MTR: variants seen among roughly 807,000 people sequenced by gnomAD.
MTR encodes methionine synthase.
Under a neutral mutation model 154.8 loss-of-function variants are expected in MTR, and 84 were observed. The observed-to-expected ratio is 0.54, with a 90% CI of 0.45 to 0.65. MTR has a LOEUF of 0.65. MTR is among the 30% of genes least tolerant of loss of function. The pLI is 0.00. For synonymous variants in MTR, 554 were observed against 553.9 expected (o/e 1.00, Z 0.00); for missense variants, 1,275 against 1,570.2 (o/e 0.81, Z 3.18).
At chr1:236,884,668 G>A (rs1366356176) in intron 25 of MTR, among the ~76,000 whole-genome samples, 1 of 152,102 alleles carries the variant, frequency 6.6e-6, no homozygotes, top group Non-Finnish European at 1.5e-5. Context: ...GAGCCTTCAC[G>A]TCCTGGGTTT....
At chr1:236,858,419 G>C (rs60840458) in intron 18 of MTR, among the ~76,000 whole-genome samples, 65,583 of 152,012 alleles carry the variant, frequency 0.43, 14,338 homozygotes, top group East Asian at 0.49. Flanking sequence ...GGAATTGTGG[G>C]AGCTACAATT....
At chr1:236,896,479 C>G (rs1473345655) in intron 31 of MTR, among the ~76,000 whole-genome samples, 1 of 152,220 alleles carries the variant, frequency 6.6e-6, no homozygotes, top group Non-Finnish European at 1.5e-5. Context: ...GCTCTGTTTC[C>G]TTGTTCATAG....
intron 29 of MTR, among the ~76,000 whole-genome samples, chr1:236,894,024 C>T (rs1186098365): frequency 6.6e-6 from 1 of 151,340 alleles, no homozygotes; most frequent in East Asian, 1.9e-4. Flanking sequence ...TAAACCGTGA[C>T]TTTAGCACAG....
chr1:236,891,080 T>C (rs935784286), intron 28 of MTR, 53 bp from the exon 29 acceptor site: 2 of 1,586,320 alleles, frequency 1.3e-6, no homozygotes. Context: ...AAGCATTGTT[T>C]GATGGTTATT....
intron 15 of MTR, among the ~76,000 whole-genome samples, chr1:236,841,296 GT>G (rs1466800118): frequency 6.6e-6 from 1 of 152,166 alleles, no homozygotes; most frequent in African/African-American, 2.4e-5. Context: ...TTATTAAACA[GT>G]GTAAAAGCTG....
chr1:236,827,727 G>A (rs1188283715), intron 11 of MTR, among the ~76,000 whole-genome samples: 1 of 152,162 alleles, frequency 6.6e-6, no homozygotes, highest in Non-Finnish European at 1.5e-5. Flanking sequence ...GGAAGGGAGC[G>A]AAACAAGCAT....
At chr1:236,887,758 A>G (rs3768149) in intron 27 of MTR, among the ~76,000 whole-genome samples, 53,650 of 152,134 alleles carry the variant, frequency 0.35, 10,273 homozygotes, top group East Asian at 0.44. Flanking sequence ...AGCCAGTCCT[A>G]GGGTAGTTGC....
intron 13 of MTR, among the ~76,000 whole-genome samples, chr1:236,834,417 T>C (rs1662784718): frequency 6.6e-6 from 1 of 152,200 alleles, no homozygotes; most frequent in South Asian, 2.1e-4. Flanking sequence ...TGACCTCAAG[T>C]GATCTGCCTG....
intron 11 of MTR, among the ~76,000 whole-genome samples, chr1:236,827,366 A>G (rs1357270874): frequency 6.6e-6 from 1 of 152,202 alleles, no homozygotes; most frequent in African/African-American, 2.4e-5. Flanking sequence ...CCTTTATATT[A>G]TGAAACATTT....
At chr1:236,846,583 G>A (rs1169653413) in intron 15 of MTR, among the ~76,000 whole-genome samples, 1 of 152,080 alleles carries the variant, frequency 6.6e-6, no homozygotes, top group Admixed American at 6.5e-5. Flanking sequence ...CAAGGAATTG[G>A]TATCTTGCCA....
chr1:236,812,142 C>G (rs1314725975), intron 5 of MTR, among the ~76,000 whole-genome samples: 1 of 152,276 alleles, frequency 6.6e-6, no homozygotes, highest in African/African-American at 2.4e-5. Context: ...CCCAGGCCCC[C>G]ACAGTGCTGG....
intron 14 of MTR, 118 bp downstream of exon 14, chr1:236,835,805 A>G (rs2103150305): frequency 8.1e-6 from 11 of 1,359,914 alleles, no homozygotes; most frequent in South Asian, 7.0e-5. Flanking sequence ...GTTTCTCAAC[A>G]TCGAAAACAG....
Position 236,895,556 on chromosome 1 carries a change from A to G in MTR, c.3598+6A>G. ...AGACATCGAGCAGTCTACAGGTAGG[A>G]GCCAGGAGGCTGCGGGTTCCTGTCT... On this transcript the variant is annotated splice_donor_region_variant and intron_variant, in intron 31 of 32. Transcript: ENST00000366577. 6.4e-7 allele frequency: 1 copy of G among 1,563,038 alleles called. No individual in the cohort carries two copies. The highest frequency in any genetic ancestry group is 8.7e-7 in the Non-Finnish European group (1 of 1,152,758).
At position 236,895,432 on chromosome 1, in the gene MTR, C is replaced by T. The variant is rs776477351; in HGVS notation, c.3480C>T (p.Val1160=). The T allele has an allele frequency of 1.3e-5, 21 of 1,603,018 alleles. No individual in the cohort carries two copies. In the Admixed American group the frequency reaches 1.9e-4, roughly 14 times the overall value. Residue 1160 remains valine, a synonymous_variant, in exon 31 of 33, where the codon GTC becomes GTT. Coordinates refer to ENST00000366577, the MANE Select transcript of MTR (RefSeq NM_000254.3). The part of the protein sequence containing the change: ...WAYCGSEQLD[V]ADLRRLRYKG... The stretch of plus-strand genomic sequence containing the variant: ...ACTGTGGCAGTGAGCAGCTGGACGT[C>T]GCAGACCTGCGCAGGCTGCGGTACA...
chr1:236,891,140 G>A lies in MTR; in HGVS notation c.3015G>A (p.Glu1005=). 1.2e-6 allele frequency: 2 copies of A among 1,614,144 alleles called. No homozygotes were observed. The highest frequency in any genetic ancestry group is 2.2e-5 in the East Asian group (1 of 44,886). The change falls in exon 29 of 33, where the codon GAG becomes GAA. Residue 1005 remains glutamate, a synonymous_variant. Transcript: ENST00000366577. ...KIFNDKTVGG[E]ARKVYDDAHN... is the part of the protein sequence containing the mutation. ...ATTCTGTTTTTCTAATAGGTGGAGA[G>A]GCCAGGAAGGTCTACGATGATGCCC...
At chr1:236,861,826 T>TAAGA (rs1365903684) in intron 20 of MTR, among the ~76,000 whole-genome samples, 8 of 152,218 alleles carry the variant, frequency 5.3e-5, no homozygotes, top group Non-Finnish European at 8.8e-5. Context: ...GCCTTCATCT[T>TAAGA]GCCTTAATGT....
Position 236,891,272 on chromosome 1 carries a change from G to A in MTR, c.3147G>A (p.Glu1049=). The change falls in exon 29 of 33, where the codon GAG becomes GAA. Residue 1049 remains glutamate, a synonymous_variant. Transcript: ENST00000366577. ...AAGACGACATTCACCTGTACGCAGA[G>A]GCTGCTGTGCCCCAGGCTGCAGAGC... ...SIQDDIHLYA[E]AAVPQAAEPI... is the part of the protein sequence containing the mutation. 6.2e-7 allele frequency: 1 copy of A among 1,614,166 alleles called. No individual in the cohort carries two copies. Among genetic ancestry groups the A allele is most frequent in the Non-Finnish European group, 8.5e-7 (1 of 1,180,024 alleles).
At chr1:236,867,591 G>A (rs924932907) in intron 22 of MTR, among the ~76,000 whole-genome samples, 1 of 152,128 alleles carries the variant, frequency 6.6e-6, no homozygotes. Flanking sequence ...GATAGTGATG[G>A]ATCTGGGCAA....
intron 25 of MTR, 138 bp from the exon 26 acceptor site, chr1:236,884,983 G>A (rs1182978495): frequency 1.4e-6 from 1 of 696,690 alleles, no homozygotes; most frequent in African/African-American, 1.8e-5. Context: ...CTGCACGCCA[G>A]GCAGGAATTA....
Sources: allele counts gnomAD v4.1 joint callset (sites outside exome capture counted in the v4.1 genomes callset), GRCh38; gene constraint gnomAD v4.1.1; transcripts MANE v1.5; gene names NCBI Gene and HGNC (gene_info 2026-07-23, HGNC 2026-07-21).